MIAT: variants seen among roughly 807,000 people sequenced by gnomAD.
MIAT encodes the protein myocardial infarction associated transcript.
chr22:26,659,734 A>G (rs1930590463), intron 2 of MIAT, among the ~76,000 whole-genome samples: 1 of 151,110 alleles, frequency 6.6e-6, no homozygotes. Flanking sequence ...TAAAAGACAA[A>G]TTCAATAAGT....
downstream of MIAT, chr22:26,671,637 C>A (rs1931051399): frequency 2.5e-6 from 1 of 398,568 alleles, no homozygotes; most frequent in Non-Finnish European, 4.4e-6. Context: ...GATCTTTGTG[C>A]AGACCCACGT....
chr22:26,674,718 C>T (rs1343486564), exon 5 of MIAT: 5 of 398,436 alleles, frequency 1.3e-5, no homozygotes, highest in African/African-American at 6.2e-5. Flanking sequence ...AGTCTACACC[C>T]GGAAGTGCCT....
At chr22:26,649,237 C>T (rs1930293459) in intron 2 of MIAT, among the ~76,000 whole-genome samples, 1 of 152,098 alleles carries the variant, frequency 6.6e-6, no homozygotes, top group South Asian at 2.1e-4. Context: ...AGTTCCCTAC[C>T]CAAAGTCACA....
chr22:26,657,421 C>T, intron 2 of MIAT: 1 of 341,106 alleles, frequency 2.9e-6, no homozygotes, highest in Admixed American at 6.0e-5. Context: ...AGGTGAGGGC[C>T]GGGGGTGGGG....
Position 26,646,887 on chromosome 22 carries a change from A to T in MIAT, n.436A>T, listed in dbSNP as rs1404450248. ...AGGCCACAGGAATAGAGACAGGTAG[A>T]TAGGATCAAGGTGACAGGAACAGAT... is the stretch of plus-strand genomic sequence containing the variant. On this transcript the variant is annotated non_coding_transcript_exon_variant, in exon 1 of 6. Transcript: ENST00000643270. 22 of 398,520 alleles carry T rather than the reference A, an allele frequency of 5.5e-5. No individual in the cohort carries two copies. The East Asian group carries it at 7.8e-4, about 14-fold the overall frequency. The allele number at this position is 398,520 out of a possible 1,614,324, so 24.7% of individuals were successfully genotyped here. A position where few individuals can be genotyped will look rare whatever the true frequency, so the allele number is the denominator to read the frequency against.
At chr22:26,676,146 G>A (rs1285366023) in exon 5 of MIAT, 4 of 396,642 alleles carry the variant, frequency 1.0e-5, no homozygotes, top group Admixed American at 8.8e-5. Context: ...TGGACCCAAT[G>A]TGAGGGCTGT....
At chr22:26,674,169 C>T (rs1931174662), downstream of MIAT, 1 of 398,492 alleles carries the variant, frequency 2.5e-6, no homozygotes, top group South Asian at 1.3e-4. Flanking sequence ...CAGTCATTTA[C>T]ATGTTAGTAG....
rs147917536 is a variant in MIAT, at chr22:26,662,241, C to T, written n.647-1075C>T. Among the ~76,000 whole-genome samples, 123 of 152,168 alleles carry T rather than the reference C, an allele frequency of 8.1e-4. 1 individual carries two copies. The highest frequency in any genetic ancestry group is 2.9e-3 in the African/African-American group (121 of 41,532). ...CAAAGTGCTGGGATTATGGTGTGAG[C>T]CACTGCGCCCAGTCCCTGCCCCTAT... On this transcript the variant is annotated intron_variant and non_coding_transcript_variant, in intron 2 of 5. Transcript: ENST00000643270.
chr22:26,659,785 C>A (rs1236730507), intron 2 of MIAT, among the ~76,000 whole-genome samples: 23 of 138,726 alleles, frequency 1.7e-4, no homozygotes, highest in South Asian at 4.5e-4. Flanking sequence ...TTAGAAAAGA[C>A]AAAAAAAAAA....
chr22:26,665,726 G>C (rs1930822668), exon 4 of MIAT: 1 of 398,546 alleles, frequency 2.5e-6, no homozygotes, highest in South Asian at 1.3e-4. Context: ...GGAAATGGGT[G>C]ATGTAGCTCA....
intron 2 of MIAT, among the ~76,000 whole-genome samples, chr22:26,658,492 A>C (rs1930541878): frequency 6.6e-6 from 1 of 152,158 alleles, no homozygotes; most frequent in African/African-American, 2.4e-5. Context: ...GAGATCCCGC[A>C]ACCCACCAGC....
At chr22:26,670,981 T>A (rs1602372495), downstream of MIAT, 1 of 388,260 alleles carries the variant, frequency 2.6e-6, no homozygotes, top group East Asian at 3.6e-5. Flanking sequence ...TTTCTAATGG[T>A]GGGAGGGCAG....
chr22:26,659,840 C>CTTTTTTTTTTTTT (rs1189391284), intron 2 of MIAT, among the ~76,000 whole-genome samples: 5 of 94,968 alleles, frequency 5.3e-5, no homozygotes, highest in African/African-American at 7.9e-5. Context: ...TTCTTTCTTT[C>CTTTTTTTTTTTTT]TTTTTTTTTT....
chr22:26,664,916 G>A (rs1407592531), intron 3 of MIAT, among the ~76,000 whole-genome samples: 1 of 152,152 alleles, frequency 6.6e-6, no homozygotes, highest in African/African-American at 2.4e-5. Flanking sequence ...CATGTACTGT[G>A]TGCCAGGCAC....
chr22:26,670,988 G>A (rs1931025128), downstream of MIAT: 1 of 398,370 alleles, frequency 2.5e-6, no homozygotes, highest in Non-Finnish European at 4.4e-6. Flanking sequence ...TGGTGGGAGG[G>A]CAGGCCAATA....
At chr22:26,669,488 T>G in exon 6 of MIAT, 3 of 398,618 alleles carry the variant, frequency 7.5e-6, no homozygotes, top group Non-Finnish European at 1.3e-5. Flanking sequence ...CTCCTCCTCT[T>G]CTTATAAAGA....
chr22:26,649,601 C>G (rs1407852880), intron 2 of MIAT, among the ~76,000 whole-genome samples: 1 of 152,314 alleles, frequency 6.6e-6, no homozygotes, highest in African/African-American at 2.4e-5. Context: ...CAGGGATCAT[C>G]CTTCAACCAT....
chr22:26,673,130 G>C (rs1288530366), downstream of MIAT: 1 of 398,558 alleles, frequency 2.5e-6, no homozygotes, highest in Non-Finnish European at 4.4e-6. Flanking sequence ...TTGCAGGAGA[G>C]AGAAGTGGGG....
intron 2 of MIAT, chr22:26,657,622 T>C: frequency 2.5e-6 from 1 of 398,734 alleles, no homozygotes. Context: ...CAAAGAGCCC[T>C]CTGCACTAGC....
Sources: allele counts gnomAD v4.1 joint callset (sites outside exome capture counted in the v4.1 genomes callset), GRCh38; gene constraint gnomAD v4.1.1; transcripts MANE v1.5; gene names NCBI Gene and HGNC (gene_info 2026-07-23, HGNC 2026-07-21).